Variants in KALRN observed in about 807,000 individuals in gnomAD.
The protein encoded by KALRN is kalirin RhoGEF kinase, also known as kalirin.
In KALRN, 70 loss-of-function variants were observed where a neutral mutation model predicts 353.7. The observed-to-expected ratio is 0.20, with a 90% confidence interval of 0.16 to 0.24. The LOEUF is 0.24. Ranked by LOEUF, KALRN falls within the 10% of genes least tolerant of loss-of-function variation. KALRN has a pLI of 1.00. For missense variants in KALRN, 2,791 were observed against 3,756.7 expected (o/e 0.74, Z 6.72); for synonymous variants, 1,391 against 1,434.8 (o/e 0.97, Z 0.69).
At chr3:124,330,059 T>C in intron 8 of KALRN, 67 bp downstream of exon 8, 1 of 1,522,778 alleles carries the variant, frequency 6.6e-7, no homozygotes, top group Non-Finnish European at 9.0e-7. Flanking sequence ...ATGAGGGCAC[T>C]GGCCTGTGCC....
Position 124,657,523 on chromosome 3 carries a change from A to G in KALRN, c.5938A>G (p.Ile1980Val), listed in dbSNP as rs1225823582. Residue 1980 changes from isoleucine (I) to valine (V), a missense_variant, in exon 40 of 60, where the codon ATT becomes GTT. Physicochemically the swap from Ile to Val is conservative, Grantham distance 29. Transcript: ENST00000682506. ...AAAGGACAAAATCGTGTTTGGAAAT[A>G]TTCATCAGATTTATGACTGGCATAA... ...RGKDKIVFGN[I>V]HQIYDWHKDF... 1.2e-6 allele frequency: 2 copies of G among 1,613,892 alleles called. No homozygotes were observed. The highest frequency in any genetic ancestry group is 2.2e-5 in the South Asian group (2 of 91,074).
At chr3:124,642,507 A>G (rs979218960) in intron 37 of KALRN, among the ~76,000 whole-genome samples, 1 of 152,074 alleles carries the variant, frequency 6.6e-6, no homozygotes, top group Non-Finnish European at 1.5e-5. Context: ...AATGTGCCCT[A>G]CCTGCTTCAG....
intron 34 of KALRN, among the ~76,000 whole-genome samples, chr3:124,563,341 A>G (rs1281870862): frequency 2.0e-5 from 3 of 152,212 alleles, no homozygotes; most frequent in Non-Finnish European, 4.4e-5. Context: ...TGAAGGTTGA[A>G]TTAAGTAACC....
intron 23 of KALRN, among the ~76,000 whole-genome samples, chr3:124,458,424 A>G (rs372957411): frequency 4.6e-5 from 7 of 151,686 alleles, no homozygotes; most frequent in African/African-American, 1.7e-4. Context: ...CTATGCCTCT[A>G]TAAATCCTTT....
intron 6 of KALRN, among the ~76,000 whole-genome samples, chr3:124,315,477 T>C (rs1009117255): frequency 2.0e-5 from 3 of 152,150 alleles, no homozygotes; most frequent in African/African-American, 7.2e-5. Flanking sequence ...CTTTATTGCT[T>C]ATCCCCTTCA....
chr3:124,614,241 C>CTTATTTAT lies in KALRN; in HGVS notation c.5183-18141_5183-18134dup, dbSNP rs10666219. ...ATTACCACTTTCTTTTTCTAAAATT[C>CTTATTTAT]TTATTTATTTATTTATTTATTTATT... On this transcript the variant is annotated intron_variant, in intron 34 of 59. Transcript: ENST00000682506. 9.6e-3 allele frequency among the ~76,000 whole-genome samples: 1,378 copies of CTTATTTAT among 142,932 alleles called. 15 individuals are homozygous for CTTATTTAT. Among genetic ancestry groups the CTTATTTAT allele is most frequent in the East Asian group, 0.034 (167 of 4,846 alleles). 93.8% of individuals were successfully genotyped at this position (142,932 alleles called of 152,430 possible). A position where few individuals can be genotyped will look rare whatever the true frequency, so the allele number is the denominator to read the frequency against.
Position 124,642,806 on chromosome 3 carries a change from G to GTTGTTTTTTTT in KALRN, c.5664+5505_5664+5506insGTTTTTTTTTT, listed in dbSNP as rs796628603. On this transcript the variant is annotated intron_variant, in intron 37 of 59. Transcript: ENST00000682506. ...TCTGTGGAAGAGATTCCCAAGCCTC[G>GTTGTTTTTTTT]TTTTTTTTTTTTTTTTTTTTGAGAC... 1.9e-3 allele frequency among the ~76,000 whole-genome samples: 184 copies of GTTGTTTTTTTT among 96,802 alleles called. 6 individuals are homozygous for GTTGTTTTTTTT. Among genetic ancestry groups the GTTGTTTTTTTT allele is most frequent in the East Asian group, 5.7e-3 (12 of 2,098 alleles). The allele number at this position is 96,802 out of a possible 152,430, so 63.5% of individuals were successfully genotyped here.
At chr3:124,607,003 G>A (rs550294231) in intron 34 of KALRN, among the ~76,000 whole-genome samples, 17 of 152,246 alleles carry the variant, frequency 1.1e-4, no homozygotes, top group South Asian at 8.3e-4. Flanking sequence ...TTTCTTCAGG[G>A]CCATTTGGCA....
At chr3:124,183,998 C>T (rs1025393450) in intron 1 of KALRN, among the ~76,000 whole-genome samples, 2 of 152,072 alleles carry the variant, frequency 1.3e-5, no homozygotes, top group African/African-American at 4.8e-5. Flanking sequence ...GCTGTGGGGA[C>T]AGAAGAAGGG....
intron 1 of KALRN, among the ~76,000 whole-genome samples, chr3:124,119,766 GT>G (rs2063792288): frequency 6.6e-6 from 1 of 152,210 alleles, no homozygotes; most frequent in South Asian, 2.1e-4. Context: ...AATTTGAGGA[GT>G]AGGGAGGATG....
chr3:124,703,120 G>C (rs2062424295), intron 57 of KALRN, among the ~76,000 whole-genome samples: 1 of 152,180 alleles, frequency 6.6e-6, no homozygotes, highest in South Asian at 2.1e-4. Flanking sequence ...ATTTCTCAGT[G>C]AAGCATAACA....
chr3:124,565,089 C>T (rs1463244966), intron 34 of KALRN, among the ~76,000 whole-genome samples: 2 of 152,220 alleles, frequency 1.3e-5, no homozygotes, highest in Non-Finnish European at 2.9e-5. Flanking sequence ...GGAGTGCCAT[C>T]TGGTCTACCT....
At chr3:124,339,457 T>G (rs1460499491) in intron 9 of KALRN, among the ~76,000 whole-genome samples, 2 of 152,172 alleles carry the variant, frequency 1.3e-5, no homozygotes, top group Admixed American at 1.3e-4. Flanking sequence ...TTGATCATAT[T>G]TGTTCCAAAG....
At chr3:124,632,397 CTG>C (rs1414264098) in intron 34 of KALRN, 21 bp from the exon 35 acceptor site, 4 of 1,611,312 alleles carry the variant, frequency 2.5e-6, no homozygotes, top group Middle Eastern at 1.7e-4. Flanking sequence ...TCTGACATGG[CTG>C]TGTCTGTCCG....
intron 34 of KALRN, among the ~76,000 whole-genome samples, chr3:124,583,189 C>A (rs1222229890): frequency 2.0e-5 from 3 of 152,178 alleles, no homozygotes; most frequent in Non-Finnish European, 4.4e-5. Context: ...TGTGTTTCTT[C>A]CAGGAAGGCA....
chr3:124,629,165 A>G (rs2080449701), intron 34 of KALRN, among the ~76,000 whole-genome samples: 1 of 152,192 alleles, frequency 6.6e-6, no homozygotes, highest in Admixed American at 6.5e-5. Context: ...TCCCAAGATC[A>G]TGGTGATGAT....
At chr3:124,201,047 T>C (rs936929768) in intron 1 of KALRN, among the ~76,000 whole-genome samples, 8 of 152,146 alleles carry the variant, frequency 5.3e-5, no homozygotes, top group Admixed American at 2.6e-4. Flanking sequence ...TAAATAAAGG[T>C]AAAGCCATCC....
chr3:124,642,807 T>TTTTTTTTTTG (rs1553707041), intron 37 of KALRN, among the ~76,000 whole-genome samples: 1 of 87,622 alleles, frequency 1.1e-5, no homozygotes, highest in Admixed American at 1.2e-4. Context: ...CCAAGCCTCG[T>TTTTTTTTTTG]TTTTTTTTTT....
intron 37 of KALRN, among the ~76,000 whole-genome samples, chr3:124,648,458 C>T (rs1295970740): frequency 6.6e-6 from 1 of 152,200 alleles, no homozygotes; most frequent in Admixed American, 6.5e-5. Flanking sequence ...GCTGGATGCT[C>T]CATGGGAGTG....
Sources: gnomAD v4.1 joint callset for allele counts (sites outside exome capture counted in the v4.1 genomes callset) on GRCh38, gnomAD v4.1.1 for gene constraint, MANE v1.5 for transcripts, NCBI Gene and HGNC (gene_info 2026-07-23, HGNC 2026-07-21) for gene names.